PRKACB: variants seen among roughly 807,000 people sequenced by gnomAD.
PRKACB encodes the protein cAMP-dependent protein kinase catalytic subunit beta.
Under a neutral mutation model 51.4 loss-of-function variants are expected in PRKACB, and 16 were observed. The observed-to-expected ratio is 0.31, with a 90% CI of 0.21 to 0.47. PRKACB has a LOEUF of 0.47. PRKACB is among the 20% of genes least tolerant of loss of function. The pLI is 1.00. For missense variants in PRKACB, 309 were observed against 464.5 expected (o/e 0.67, Z 3.08); for synonymous variants, 147 against 154.4 (o/e 0.95, Z 0.35).
chr1:84,212,108 A>G (rs1012147557), intron 8 of PRKACB, among the ~76,000 whole-genome samples: 1 of 152,170 alleles, frequency 6.6e-6, no homozygotes, highest in African/African-American at 2.4e-5. Flanking sequence ...TTACATTTAA[A>G]ATGTTATGAT....
In PRKACB at chr1:84,093,046, A is replaced by G. The variant is rs368825785; in HGVS notation, c.46+14675A>G. On this transcript the variant is annotated intron_variant, in intron 1 of 8. Transcript: ENST00000370688. ...CTTCCGTTTCATAGCTTGCCTTTTC[A>G]CTTTCTTAACGATGTCTCCTTCATA... is the stretch of plus-strand genomic sequence containing the variant. Among the ~76,000 whole-genome samples the G allele has an allele frequency of 4.6e-5, 7 of 151,874 alleles. No homozygotes were observed. The South Asian group carries it at 6.2e-4, about 14-fold the overall frequency.
At chr1:84,161,555 T>C (rs1382790202) in intron 1 of PRKACB, among the ~76,000 whole-genome samples, 1 of 151,792 alleles carries the variant, frequency 6.6e-6, no homozygotes, top group African/African-American at 2.4e-5. Flanking sequence ...ACCACCTTCT[T>C]TTCTATTACG....
At chr1:84,096,176 G>T (rs1284221224) in intron 1 of PRKACB, among the ~76,000 whole-genome samples, 1 of 151,970 alleles carries the variant, frequency 6.6e-6, no homozygotes, top group African/African-American at 2.4e-5. Flanking sequence ...TACTCCTATC[G>T]ATGGAGCCTT....
chr1:84,224,454 A>G (rs1211497495), intron 9 of PRKACB, among the ~76,000 whole-genome samples: 1 of 152,208 alleles, frequency 6.6e-6, no homozygotes, highest in Non-Finnish European at 1.5e-5. Context: ...TAGTGATGGT[A>G]GCAACAGATT....
At chr1:84,164,669 A>G in intron 1 of PRKACB, 1 of 1,395,890 alleles carries the variant, frequency 7.2e-7, no homozygotes, top group South Asian at 1.7e-5. Flanking sequence ...CATCTTATAC[A>G]TCCTGGTTCG....
At chr1:84,080,666 G>A (rs892118375) in intron 1 of PRKACB, among the ~76,000 whole-genome samples, 4 of 152,108 alleles carry the variant, frequency 2.6e-5, no homozygotes, top group African/African-American at 4.8e-5. Flanking sequence ...TCATCATTAC[G>A]TACCTAAATG....
intron 1 of PRKACB, among the ~76,000 whole-genome samples, chr1:84,094,505 G>A (rs919543489): frequency 6.6e-6 from 1 of 151,638 alleles, no homozygotes; most frequent in Non-Finnish European, 1.5e-5. Flanking sequence ...TGGCTACATT[G>A]GTTAGTTTTC....
chr1:84,117,449 G>C (rs181479368), intron 1 of PRKACB, among the ~76,000 whole-genome samples: 102 of 152,128 alleles, frequency 6.7e-4, no homozygotes, highest in African/African-American at 2.3e-3. Flanking sequence ...TCTTTATTGA[G>C]ATACTTTTTA....
At chr1:84,087,482 A>C (rs1044363857) in intron 1 of PRKACB, among the ~76,000 whole-genome samples, 3 of 144,820 alleles carry the variant, frequency 2.1e-5, no homozygotes, top group Non-Finnish European at 4.4e-5. Context: ...AAGGTGAAAC[A>C]TGTGTTTACA....
At chr1:84,115,881 T>C (rs1454425008) in intron 1 of PRKACB, among the ~76,000 whole-genome samples, 3 of 47,092 alleles carry the variant, frequency 6.4e-5, no homozygotes, top group Admixed American at 2.9e-4. Context: ...AAAAAACTCT[T>C]GTCTCAAAAA....
chr1:84,166,219 T>C (rs1007497753), intron 1 of PRKACB, among the ~76,000 whole-genome samples: 1 of 151,760 alleles, frequency 6.6e-6, no homozygotes, highest in Non-Finnish European at 1.5e-5. Flanking sequence ...TCTGCTGTTT[T>C]AAATTTGAAC....
rs35071125 is a variant in PRKACB at position 84,108,238 on chromosome 1, T to TC, written c.46+29868dup. Among the ~76,000 whole-genome samples the TC allele has an allele frequency of 7.9e-3, 1,194 of 151,964 alleles. 19 individuals carry two copies. The highest frequency in any genetic ancestry group is 0.027 in the African/African-American group (1,107 of 41,460). On this transcript the variant is annotated intron_variant, in intron 1 of 8. Transcript: ENST00000370688. ...TAACAAAGGAGCAGAAAACCAACTATCACATGTTCTCACTTATAAGTGGGA... is the reference window on the plus strand; with the variant it reads ...TAACAAAGGAGCAGAAAACCAACTATCCACATGTTCTCACTTATAAGTGGGA...
intron 1 of PRKACB, among the ~76,000 whole-genome samples, chr1:84,128,066 T>A (rs1485067595): frequency 1.4e-5 from 2 of 145,262 alleles, no homozygotes; most frequent in Non-Finnish European, 3.0e-5. Flanking sequence ...TGGAGTGCAA[T>A]GGTGTGATCT....
chr1:84,204,717 A>T (rs1671056639), intron 8 of PRKACB: 1 of 958,416 alleles, frequency 1.0e-6, no homozygotes, highest in African/African-American at 1.7e-5. Flanking sequence ...GACAGTAATT[A>T]TAAAGTTCTT....
At chr1:84,182,364 A>C in intron 3 of PRKACB, 36 bp downstream of exon 3, 2 of 1,474,472 alleles carry the variant, frequency 1.4e-6, no homozygotes, top group Non-Finnish European at 1.8e-6. Flanking sequence ...TTCAGGGTAA[A>C]CTTTAGTTTT....
rs554195610 is a variant in PRKACB at position 84,117,429 on chromosome 1, C to A, written c.46+39058C>A. Among the ~76,000 whole-genome samples the A allele has an allele frequency of 7.0e-4, 106 of 152,182 alleles. 1 individual carries two copies. Among genetic ancestry groups the A allele is most frequent in the African/African-American group, 2.5e-3 (105 of 41,510 alleles). On this transcript the variant is annotated intron_variant, in intron 1 of 8. Transcript: ENST00000370688. ...GAATTCGGCTGTAAATCCATCCAGC[C>A]TTTGTCTTTTCTTTATTGAGATACT...
At chr1:84,200,071 TCCCGACCTCAAGTGGTGCA>T (rs766021770) in intron 7 of PRKACB, among the ~76,000 whole-genome samples, 21 of 152,088 alleles carry the variant, frequency 1.4e-4, no homozygotes, top group Non-Finnish European at 2.9e-4. Context: ...GGTCTTGAAC[TCCCGACCTCAAGTGGTGCA>T]CCCTCCTTGG....
intron 1 of PRKACB, among the ~76,000 whole-genome samples, chr1:84,134,844 T>C (rs1319433864): frequency 2.0e-5 from 3 of 152,218 alleles, no homozygotes; most frequent in Non-Finnish European, 4.4e-5. Context: ...CCATCTCTTA[T>C]GACATGGCAG....
At chr1:84,224,106 G>A (rs894504550) in intron 9 of PRKACB, among the ~76,000 whole-genome samples, 3 of 152,206 alleles carry the variant, frequency 2.0e-5, no homozygotes, top group African/African-American at 7.2e-5. Context: ...GTGGGTGTCT[G>A]CGATTTCCTC....
Sources: gnomAD v4.1 joint callset for allele counts (sites outside exome capture counted in the v4.1 genomes callset) on GRCh38, gnomAD v4.1.1 for gene constraint, MANE v1.5 for transcripts, NCBI Gene and HGNC (gene_info 2026-07-23, HGNC 2026-07-21) for gene names.